CDH13: variants seen among roughly 807,000 people sequenced by gnomAD.
CDH13 encodes the protein cadherin-13.
A neutral mutation model predicts 63.8 loss-of-function variants in CDH13; 24 were observed. The observed-to-expected ratio is 0.38, with a 90% CI of 0.27 to 0.53. The LOEUF is 0.53. Among genes scored for constraint, CDH13 ranks in the 20% least tolerant of loss-of-function variants. The pLI, the probability that CDH13 is intolerant of heterozygous loss-of-function variation, is 0.85. For synonymous variants in CDH13, 503 were observed against 355.3 expected (o/e 1.42, Z -4.67); for missense variants, 1,049 against 903.1 (o/e 1.16, Z -2.07).
At chr16:82,682,085 A>G (rs1214653755) in intron 1 of CDH13, among the ~76,000 whole-genome samples, 1 of 152,196 alleles carries the variant, frequency 6.6e-6, no homozygotes, top group African/African-American at 2.4e-5. Context: ...CATGTATTGA[A>G]TTTTTATTGT....
intron 1 of CDH13, among the ~76,000 whole-genome samples, chr16:82,814,430 C>T (rs13337452): frequency 0.52 from 79,481 of 151,852 alleles, 22,860 homozygotes; most frequent in East Asian, 0.92. Context: ...AGGCTGAAGA[C>T]TGAGTTGATC....
chr16:83,247,007 A>C (rs1905057033), intron 5 of CDH13, among the ~76,000 whole-genome samples: 1 of 152,190 alleles, frequency 6.6e-6, no homozygotes, highest in Non-Finnish European at 1.5e-5. Flanking sequence ...GCCTGGCATG[A>C]ACCAGAAAGG....
chr16:83,351,615 C>G (rs1009872335), intron 6 of CDH13, among the ~76,000 whole-genome samples: 1 of 152,216 alleles, frequency 6.6e-6, no homozygotes, highest in Non-Finnish European at 1.5e-5. Context: ...ACCATCGTCT[C>G]CTTAACCAAT....
At chr16:83,430,657 G>A (rs142849616) in intron 6 of CDH13, among the ~76,000 whole-genome samples, 44 of 152,244 alleles carry the variant, frequency 2.9e-4, no homozygotes, top group Middle Eastern at 3.4e-3. Context: ...TCATTTCACT[G>A]TTGGTAGGTT....
At chr16:82,698,735 G>A (rs575886892) in intron 1 of CDH13, among the ~76,000 whole-genome samples, 5 of 152,138 alleles carry the variant, frequency 3.3e-5, no homozygotes, top group Admixed American at 1.3e-4. Context: ...ACAGGGGGGC[G>A]TGAAGAATCG....
intron 1 of CDH13, among the ~76,000 whole-genome samples, chr16:82,748,714 C>G (rs1319024613): frequency 1.3e-5 from 2 of 152,198 alleles, no homozygotes; most frequent in African/African-American, 4.8e-5. Context: ...ACCTAGAGAG[C>G]TGGGGTACAC....
rs192501743 is a variant in CDH13 at position 82,656,636 on chromosome 16, A to G, written c.45+29499A>G. ...GTTCACTCTTGGTGCTGTACGGTGT[A>G]TGGTGGATACATGACAAATGTGTAA... On this transcript the variant is annotated intron_variant, in intron 1 of 13. Transcript: ENST00000567109. 2.1e-3 allele frequency among the ~76,000 whole-genome samples: 314 copies of G among 152,284 alleles called. 2 individuals are homozygous for G. Among genetic ancestry groups the G allele is most frequent in the Non-Finnish European group, 3.5e-3 (239 of 68,016 alleles).
intron 8 of CDH13, among the ~76,000 whole-genome samples, chr16:83,669,140 C>G (rs1452414881): frequency 6.6e-6 from 1 of 152,150 alleles, no homozygotes; most frequent in Non-Finnish European, 1.5e-5. Flanking sequence ...TGACTGATGC[C>G]TGATTCTGCC....
chr16:83,145,783 G>A (rs969464363), intron 4 of CDH13, among the ~76,000 whole-genome samples: 3 of 152,174 alleles, frequency 2.0e-5, no homozygotes, highest in Non-Finnish European at 4.4e-5. Context: ...ACCAGCCTGG[G>A]TTCTGCCCTT....
intron 3 of CDH13, among the ~76,000 whole-genome samples, chr16:83,087,515 G>A (rs1456653875): frequency 6.6e-6 from 1 of 151,570 alleles, no homozygotes; most frequent in East Asian, 1.9e-4. Context: ...TAAAAATACA[G>A]AGATTAGCCA....
intron 10 of CDH13, among the ~76,000 whole-genome samples, chr16:83,695,674 C>T (rs963096933): frequency 4.6e-5 from 7 of 151,886 alleles, no homozygotes; most frequent in Admixed American, 2.6e-4. Flanking sequence ...GAATAGGGGC[C>T]AGGAAGAAAG....
chr16:83,374,740 G>A (rs1440747375), intron 6 of CDH13, among the ~76,000 whole-genome samples: 1 of 152,174 alleles, frequency 6.6e-6, no homozygotes, highest in Non-Finnish European at 1.5e-5. Flanking sequence ...CCACACACCT[G>A]AGAGTGTGAA....
At chr16:83,341,989 C>CCACA (rs756844839) in intron 5 of CDH13, among the ~76,000 whole-genome samples, 4,709 of 138,034 alleles carry the variant, frequency 0.034, 133 homozygotes, top group African/African-American at 0.068. Flanking sequence ...GTGTCCCCTG[C>CCACA]CACACACACA....
At chr16:83,351,391 A>G (rs901792798) in intron 6 of CDH13, among the ~76,000 whole-genome samples, 1 of 151,972 alleles carries the variant, frequency 6.6e-6, no homozygotes, top group African/African-American at 2.4e-5. Context: ...CACCATCCAG[A>G]GATAACCACA....
At chr16:83,389,015 AC>A (rs2091733500) in intron 6 of CDH13, among the ~76,000 whole-genome samples, 2 of 152,034 alleles carry the variant, frequency 1.3e-5, no homozygotes, top group South Asian at 4.2e-4. Flanking sequence ...CCACCCTAAA[AC>A]CAGTCAGAGC....
intron 2 of CDH13, among the ~76,000 whole-genome samples, chr16:82,890,983 G>C (rs892222992): frequency 5.9e-5 from 9 of 151,596 alleles, no homozygotes; most frequent in African/African-American, 2.2e-4. Flanking sequence ...TTGGAGGGTA[G>C]GCACTTGAAG....
At chr16:82,684,546 G>T (rs770818036) in intron 1 of CDH13, among the ~76,000 whole-genome samples, 2 of 152,056 alleles carry the variant, frequency 1.3e-5, no homozygotes, top group Non-Finnish European at 2.9e-5. Context: ...CACCATCTCA[G>T]CTTAATAGAC....
At chr16:83,091,717 C>G (rs2033922124) in intron 3 of CDH13, among the ~76,000 whole-genome samples, 1 of 152,162 alleles carries the variant, frequency 6.6e-6, no homozygotes, top group Non-Finnish European at 1.5e-5. Flanking sequence ...AGGGTATTCA[C>G]TTCATAAGGG....
intron 4 of CDH13, among the ~76,000 whole-genome samples, chr16:83,134,893 A>T (rs1269632257): frequency 6.6e-6 from 1 of 152,190 alleles, no homozygotes; most frequent in African/African-American, 2.4e-5. Flanking sequence ...CCCAAGGAGG[A>T]AGCAATATTT....
Sources: gnomAD v4.1 joint callset for allele counts (sites outside exome capture counted in the v4.1 genomes callset) on GRCh38, gnomAD v4.1.1 for gene constraint, MANE v1.5 for transcripts, NCBI Gene and HGNC (gene_info 2026-07-23, HGNC 2026-07-21) for gene names.